Variants in STOX2 observed in about 807,000 individuals in gnomAD.
The protein encoded by STOX2 is storkhead-box protein 2.
A neutral mutation model predicts 60.9 loss-of-function variants in STOX2; 28 were observed. The ratio of observed to expected loss-of-function variants is 0.46; its 90% CI spans 0.34 to 0.63. STOX2 has a LOEUF of 0.63. Among genes scored for constraint, STOX2 ranks in the 30% least tolerant of loss-of-function variants. The pLI is 0.01. For synonymous variants in STOX2, 472 were observed against 463.9 expected, an observed-to-expected ratio of 1.02 and a Z score of -0.22; for missense variants, 1,024 against 1,187.7, an observed-to-expected ratio of 0.86 and a Z score of 2.03.
intron 1 of STOX2, among the ~76,000 whole-genome samples, chr4:183,964,243 A>G (rs61064873): frequency 0.011 from 1,698 of 152,300 alleles, 42 homozygotes; most frequent in African/African-American, 0.039. Context: ...TGGGGTGCTG[A>G]TTAATATTCA....
chr4:183,991,206 C>G (rs1733091233), intron 1 of STOX2, among the ~76,000 whole-genome samples: 1 of 152,130 alleles, frequency 6.6e-6, no homozygotes. Flanking sequence ...GCACTCCCAG[C>G]CTGGTGATGC....
chr4:183,820,270 G>T (rs1055097490), intron 1 of STOX2, among the ~76,000 whole-genome samples: 2 of 152,228 alleles, frequency 1.3e-5, no homozygotes, highest in East Asian at 1.9e-4. Flanking sequence ...TGTTCATGAG[G>T]CTCATAACCT....
intron 1 of STOX2, among the ~76,000 whole-genome samples, chr4:183,812,609 T>C (rs1160873049): frequency 1.5e-5 from 2 of 136,286 alleles, no homozygotes; most frequent in East Asian, 1.9e-4. Flanking sequence ...ACATCATTTC[T>C]GTGACTACTT....
chr4:183,822,423 A>G (rs944184107), intron 1 of STOX2, among the ~76,000 whole-genome samples: 15 of 152,232 alleles, frequency 9.9e-5, no homozygotes, highest in Non-Finnish European at 1.6e-4. Flanking sequence ...ATTGTTATAT[A>G]TAATGAAATA....
intron 1 of STOX2, among the ~76,000 whole-genome samples, chr4:183,818,684 G>GC (rs1244362708): frequency 2.6e-4 from 39 of 151,626 alleles, no homozygotes; most frequent in African/African-American, 6.1e-4. Flanking sequence ...GGGCAGAGGC[G>GC]CCCCCCACCT....
chr4:183,990,347 T>A (rs540621222), intron 1 of STOX2, among the ~76,000 whole-genome samples: 6 of 152,208 alleles, frequency 3.9e-5, no homozygotes, highest in Non-Finnish European at 8.8e-5. Flanking sequence ...ATTCATGTGT[T>A]TTCTTGCTAT....
intron 1 of STOX2, among the ~76,000 whole-genome samples, chr4:183,936,762 T>G (rs1272841697): frequency 6.6e-6 from 1 of 152,214 alleles, no homozygotes; most frequent in Non-Finnish European, 1.5e-5. Context: ...CATGAACAAT[T>G]GTGTGCTGAG....
chr4:183,900,119 C>G (rs1282294970), intron 1 of STOX2, among the ~76,000 whole-genome samples: 2 of 152,278 alleles, frequency 1.3e-5, no homozygotes, highest in East Asian at 1.9e-4. Context: ...ATATTTTAAG[C>G]CCACTGTTGA....
At chr4:183,818,370 C>T (rs2111107509) in intron 1 of STOX2, among the ~76,000 whole-genome samples, 1 of 152,282 alleles carries the variant, frequency 6.6e-6, no homozygotes, top group Admixed American at 6.5e-5. Context: ...CCATTCAACC[C>T]TGAGTGGACA....
In STOX2 at chr4:183,857,470, G is replaced by T. The variant is rs28641783; in HGVS notation, c.364+59415G>T. Among the ~76,000 whole-genome samples the T allele has an allele frequency of 2.0e-5, 3 of 152,142 alleles. No homozygotes were observed. The East Asian group carries it at 5.8e-4, about 29-fold the overall frequency. Reference sequence around the variant, plus strand: ...GTTATCCCATTGAAGGCAGTGCCACGGCTGCCTGGATTCCCAGCCTTCCAC... The same window carrying T: ...GTTATCCCATTGAAGGCAGTGCCACTGCTGCCTGGATTCCCAGCCTTCCAC... On this transcript the variant is annotated intron_variant, in intron 1 of 2. Coordinates refer to the STOX2 transcript ENST00000513034.
chr4:183,894,675 A>T (rs1009846118), intron 1 of STOX2, among the ~76,000 whole-genome samples: 8 of 152,180 alleles, frequency 5.3e-5, no homozygotes, highest in African/African-American at 1.9e-4. Context: ...AGGAAGCCAC[A>T]TGTTGGAAAA....
At chr4:183,948,419 C>A (rs1742966604) in intron 1 of STOX2, among the ~76,000 whole-genome samples, 1 of 151,026 alleles carries the variant, frequency 6.6e-6, no homozygotes, top group Non-Finnish European at 1.5e-5. Flanking sequence ...CTCCATATTT[C>A]TATTAGTCAA....
intron 1 of STOX2, among the ~76,000 whole-genome samples, chr4:183,916,546 C>G (rs1006408963): frequency 6.6e-5 from 10 of 152,212 alleles, no homozygotes; most frequent in Admixed American, 2.0e-4. Context: ...TAGAACCAAG[C>G]TTGGTACAAT....
upstream of STOX2, among the ~76,000 whole-genome samples, chr4:183,902,444 C>T (rs567399863): frequency 7.2e-5 from 11 of 152,088 alleles, no homozygotes; most frequent in African/African-American, 2.4e-4. Flanking sequence ...GCTATAAAAT[C>T]GATTTGCTTT....
chr4:183,992,143 A>G (rs1056772311), intron 1 of STOX2, among the ~76,000 whole-genome samples: 1 of 152,196 alleles, frequency 6.6e-6, no homozygotes, highest in African/African-American at 2.4e-5. Context: ...GAAGGGGTAG[A>G]AGCGTGTTCG....
chr4:183,992,843 G>A (rs767031435), intron 1 of STOX2, among the ~76,000 whole-genome samples: 6 of 152,216 alleles, frequency 3.9e-5, no homozygotes, highest in East Asian at 3.8e-4. Context: ...AGGACCTGCC[G>A]TGTGAAAGCA....
At chr4:183,922,571 C>T (rs1466773822) in intron 1 of STOX2, among the ~76,000 whole-genome samples, 1 of 152,004 alleles carries the variant, frequency 6.6e-6, no homozygotes, top group Non-Finnish European at 1.5e-5. Context: ...GTCTTGAACT[C>T]CTGACCTTGT....
intron 1 of STOX2, among the ~76,000 whole-genome samples, chr4:183,889,832 A>ACC (rs1244469014): frequency 3.3e-5 from 5 of 151,478 alleles, no homozygotes; most frequent in Admixed American, 3.3e-4. Context: ...ATGGCTGGAA[A>ACC]CCTTTGTTTT....
chr4:183,874,881 A>G (rs1411613960), intron 1 of STOX2, among the ~76,000 whole-genome samples: 49 of 132,674 alleles, frequency 3.7e-4, no homozygotes, highest in Non-Finnish European at 3.3e-4. Context: ...AGCCAAGATC[A>G]TGCCACTGCA....
Sources: allele counts gnomAD v4.1 joint callset (sites outside exome capture counted in the v4.1 genomes callset), GRCh38; gene constraint gnomAD v4.1.1; transcripts MANE v1.5; gene names NCBI Gene and HGNC (gene_info 2026-07-23, HGNC 2026-07-21).